SLC5A5: variants seen among roughly 807,000 people sequenced by gnomAD.
SLC5A5 encodes sodium/iodide cotransporter.
SLC5A5 carries 56 observed loss-of-function variants against 68.6 expected under a neutral mutation model. The ratio of observed to expected loss-of-function variants is 0.82; its 90% CI spans 0.66 to 1.02. The LOEUF (loss-of-function observed/expected upper bound fraction) is 1.02. Among genes scored for constraint, SLC5A5 ranks in the 50% least tolerant of loss-of-function variants. The pLI, the probability that SLC5A5 is intolerant of heterozygous loss-of-function variation, is 0.00. For missense variants in SLC5A5, 807 were observed against 859.8 expected (o/e 0.94, Z 0.77); for synonymous variants, 398 against 373.0 (o/e 1.07, Z -0.77).
At chr19:17,884,143 T>C (rs978972387) in intron 12 of SLC5A5, 97 bp downstream of exon 12, 3 of 1,108,374 alleles carry the variant, frequency 2.7e-6, no homozygotes, top group Non-Finnish European at 4.0e-6. Context: ...GAAGCCTGAT[T>C]AGTAAAATGC....
rs570666120 is a variant in SLC5A5 at position 17,884,355 on chromosome 19, G to T, written c.1526+309G>T. 3.3e-3 allele frequency among the ~76,000 whole-genome samples: 498 copies of T among 150,478 alleles called. 4 individuals carry two copies. The highest frequency in any genetic ancestry group is 0.011 in the African/African-American group (454 of 39,940). On this transcript the variant is annotated intron_variant, in intron 12 of 14. Transcript: ENST00000222248. ...CTCTGTGGTCCAGGCTGGAATGCAG[G>T]GGTGCAATCTCAGCTTACTGCAGCT...
At chr19:17,891,130 C>G in intron 14 of SLC5A5, 129 bp downstream of exon 14, 1 of 716,458 alleles carries the variant, frequency 1.4e-6, no homozygotes, top group Non-Finnish European at 2.5e-6. Context: ...TCAAAAGACT[C>G]TATTGGGAGC....
rs1216409106 is a variant in SLC5A5, at chr19:17,874,509, A to G, written c.439A>G (p.Ile147Val). The G allele has an allele frequency of 6.2e-7, 1 of 1,613,896 alleles. No individual in the cohort carries two copies. The highest frequency in any genetic ancestry group is 8.5e-7 in the Non-Finnish European group (1 of 1,179,986). ...CTGTCTACAGATGCTGTACACCGGC[A>G]TCGTAATCTACGCACCGGCCCTCAT... ...YIVATMLYTG[I>V]VIYAPALILN... Residue 147 changes from isoleucine (I) to valine (V), a missense_variant, in exon 3 of 15, where the codon ATC becomes GTC. Physicochemically the swap from Ile to Val is conservative, Grantham distance 29. Transcript: ENST00000222248.
chr19:17,877,032 TA>T (rs960991825), intron 5 of SLC5A5, among the ~76,000 whole-genome samples: 224 of 141,892 alleles, frequency 1.6e-3, no homozygotes, highest in Middle Eastern at 3.6e-3. Flanking sequence ...ACTCCATCTT[TA>T]AAAAAAAAAA....
chr19:17,874,482 C>T lies in SLC5A5; in HGVS notation c.424-12C>T. 1 of 1,613,988 alleles carries T rather than the reference C, an allele frequency of 6.2e-7. No homozygotes were observed. Among genetic ancestry groups the T allele is most frequent in the South Asian group, 1.1e-5 (1 of 91,074 alleles). On this transcript the variant is annotated splice_polypyrimidine_tract_variant and intron_variant, in intron 2 of 14. Coordinates refer to ENST00000222248, the MANE Select transcript of SLC5A5 (RefSeq NM_000453.3). ...GCCCTCCCTGCTCACCCGCCCCACA[C>T]TCTGTCTACAGATGCTGTACACCGG...
intron 10 of SLC5A5, among the ~76,000 whole-genome samples, chr19:17,883,327 A>G: frequency 1.3e-5 from 2 of 150,472 alleles, no homozygotes; most frequent in Non-Finnish European, 3.0e-5. Context: ...GGAGGTGGCG[A>G]CAGAAAGGGC....
chr19:17,878,579 C>A (rs2094313090), intron 7 of SLC5A5, among the ~76,000 whole-genome samples: 1 of 152,010 alleles, frequency 6.6e-6, no homozygotes, highest in Non-Finnish European at 1.5e-5. Context: ...GTCTGGGAGG[C>A]AATGGACCGC....
Position 17,874,724 on chromosome 19 carries a change from C to A in SLC5A5, c.536C>A (p.Thr179Lys), listed in dbSNP as rs1322501930. 1.9e-6 allele frequency: 3 copies of A among 1,613,998 alleles called. No homozygotes were observed. Among genetic ancestry groups the A allele is most frequent in the Admixed American group, 3.3e-5 (2 of 60,000 alleles). The change falls in exon 4 of 15, where the codon ACG (threonine) becomes AAG (lysine). Residue 179 changes from threonine to lysine, a missense_variant. By Grantham distance (78) the Thr-to-Lys change is moderately conservative. Coordinates refer to ENST00000222248, the MANE Select transcript of SLC5A5 (RefSeq NM_000453.3). ...ACCGGAATTATCTGCACCTTCTACACGGCTGTGGTGAGTGGCCCTGGGAAC... is the reference window on the plus strand; with the variant it reads ...ACCGGAATTATCTGCACCTTCTACAAGGCTGTGGTGAGTGGCCCTGGGAAC... ...LSTGIICTFY[T>K]AVGGMKAVVW... is the part of the protein sequence containing the mutation.
rs577079350 is a variant in SLC5A5, at chr19:17,883,860, C to G, written c.1340C>G (p.Ala447Gly). The G allele has an allele frequency of 6.3e-7, 1 of 1,591,894 alleles. No individual in the cohort carries two copies. Among genetic ancestry groups the G allele is most frequent in the Non-Finnish European group, 8.5e-7 (1 of 1,170,352 alleles). Residue 447 changes from alanine (A) to glycine (G), a missense_variant, in exon 12 of 15, where the codon GCG (alanine) becomes GGG (glycine). By Grantham distance (60) the Ala-to-Gly change is moderately conservative. Coordinates refer to ENST00000222248, the MANE Select transcript of SLC5A5 (RefSeq NM_000453.3). Reference sequence around the variant, plus strand: ...CGGCTCTGCCCCCAGGGCGTCCTCGCGGGACTAGGCGCGGGCTTGGCGCTG... The same window carrying G: ...CGGCTCTGCCCCCAGGGCGTCCTCGGGGGACTAGGCGCGGGCTTGGCGCTG... ...LPACNTPGVL[A>G]GLGAGLALSL... is the part of the protein sequence containing the mutation.
intron 14 of SLC5A5, among the ~76,000 whole-genome samples, chr19:17,891,270 A>G (rs552946853): frequency 2.6e-5 from 4 of 151,990 alleles, no homozygotes; most frequent in African/African-American, 7.2e-5. Context: ...CAGTGGTGCA[A>G]TCTCGGCTCA....
In SLC5A5 at chr19:17,882,021, C is replaced by T. The variant is rs149406361; in HGVS notation, c.1120C>T (p.Arg374Trp). Residue 374 changes from arginine to tryptophan, a missense_variant, in exon 9 of 15, where the codon CGG (arginine) becomes TGG (tryptophan). By Grantham distance (101) the Arg-to-Trp change is moderately radical. Coordinates refer to ENST00000222248, the MANE Select transcript of SLC5A5 (RefSeq NM_000453.3). The stretch of plus-strand genomic sequence containing the variant: ...CACTGTAGAAGACCTCATCAAACCT[C>T]GGCTGCGGAGCCTGGCACCCAGGAA... ...AVTVEDLIKPRLRSLAPRKLV... is the reference protein window; with the variant it reads ...AVTVEDLIKPWLRSLAPRKLV... The T allele has an allele frequency of 6.9e-5, 112 of 1,614,072 alleles. No homozygotes were observed. The highest frequency in any genetic ancestry group is 2.7e-4 in the South Asian group (25 of 91,082).
chr19:17,885,327 G>A (rs1439289075), intron 12 of SLC5A5, among the ~76,000 whole-genome samples: 1 of 151,310 alleles, frequency 6.6e-6, no homozygotes, highest in Non-Finnish European at 1.5e-5. Flanking sequence ...TTTCTGTTTT[G>A]TTTATTTATT....
intron 9 of SLC5A5, 36 bp downstream of exon 9, chr19:17,882,108 C>G (rs1458327499): frequency 6.2e-7 from 1 of 1,610,018 alleles, no homozygotes; most frequent in Admixed American, 1.7e-5. Flanking sequence ...GAGGCCAGGG[C>G]AGTCCCTCCC....
At chr19:17,873,766 CA>C (rs1439148781) in intron 1 of SLC5A5, among the ~76,000 whole-genome samples, 2 of 151,832 alleles carry the variant, frequency 1.3e-5, no homozygotes, top group Non-Finnish European at 2.9e-5. Context: ...CCCTCCCCCC[CA>C]AAAAAATCGT....
chr19:17,881,936 C>A (rs1250004671), intron 8 of SLC5A5, 24 bp from the exon 9 acceptor site: 3 of 1,563,322 alleles, frequency 1.9e-6, no homozygotes, highest in Non-Finnish European at 1.8e-6. Context: ...GGCCTGAGGA[C>A]CCCCCGCTGC....
intron 14 of SLC5A5, among the ~76,000 whole-genome samples, chr19:17,891,708 A>C (rs2030177218): frequency 6.6e-6 from 1 of 152,250 alleles, no homozygotes; most frequent in Admixed American, 6.5e-5. Flanking sequence ...AAAATCTTAC[A>C]TAAGAAACAC....
rs1455519657 is a variant in SLC5A5, at chr19:17,894,775, GAATTGGGTTGTGTCCCCCCAA to G, written c.*903_*923del. 6.6e-6 allele frequency: 1 copy of G among 152,192 alleles called. No individual in the cohort carries two copies. The highest frequency in any genetic ancestry group is 2.4e-5 in the African/African-American group (1 of 41,420). The allele number at this position is 152,192 out of a possible 1,614,324, so 9.4% of individuals were successfully genotyped here. A position where few individuals can be genotyped will look rare whatever the true frequency, so the allele number is the denominator to read the frequency against. ...TCCTCACCTGACAATGGAGGCTCTCGAATTGGGTTGTGTCCCCCCAAAATTTATGTCTACCCAGAACCTCAG... is the reference window on the plus strand; with the variant it reads ...TCCTCACCTGACAATGGAGGCTCTCGAATTTATGTCTACCCAGAACCTCAG... On this transcript the variant is annotated 3_prime_UTR_variant, in exon 15 of 15. Coordinates refer to ENST00000222248, the MANE Select transcript of SLC5A5 (RefSeq NM_000453.3).
Position 17,872,256 on chromosome 19 carries a change from C to T in SLC5A5, c.-64C>T. 2.1e-6 allele frequency: 2 copies of T among 935,318 alleles called. No individual in the cohort carries two copies. The highest frequency in any genetic ancestry group is 2.1e-5 in the Admixed American group (1 of 46,580). 57.9% of individuals were successfully genotyped at this position (935,318 alleles called of 1,614,324 possible). A position where few individuals can be genotyped will look rare whatever the true frequency, so the allele number is the denominator to read the frequency against. ...CCCCGTCCTGCCTCCTCGGCCCCTG[C>T]CAGCTTCCCCCGCTTGAGCACGCAG... On this transcript the variant is annotated 5_prime_UTR_variant, in exon 1 of 15. Coordinates refer to ENST00000222248, the MANE Select transcript of SLC5A5 (RefSeq NM_000453.3).
At position 17,880,998 on chromosome 19, in the gene SLC5A5, G is replaced by A. The variant is rs181436487; in HGVS notation, c.1058+45G>A. 41 of 1,437,702 alleles carry A rather than the reference G, an allele frequency of 2.9e-5. No individual in the cohort carries two copies. The African/African-American group carries it at 5.5e-4, about 19-fold the overall frequency. 89.1% of individuals were successfully genotyped at this position (1,437,702 alleles called of 1,614,324 possible). On this transcript the variant is annotated intron_variant, in intron 8 of 14. Transcript: ENST00000222248. The stretch of plus-strand genomic sequence containing the variant: ...CATGGAGCATTATTTCAGCCCCTGG[G>A]AGCCTCCTTATCCTGGCCTGCCATC...
Sources: allele counts gnomAD v4.1 joint callset (sites outside exome capture counted in the v4.1 genomes callset), GRCh38; gene constraint gnomAD v4.1.1; transcripts MANE v1.5; gene names NCBI Gene and HGNC (gene_info 2026-07-23, HGNC 2026-07-21).